Variants in ADGRL3 observed in about 807,000 individuals in gnomAD.
ADGRL3 encodes the protein calcium-independent alpha-latrotoxin receptor 3.
Under a neutral mutation model 153.5 loss-of-function variants are expected in ADGRL3, and 62 were observed. The ratio of observed to expected loss-of-function variants is 0.40; its 90% CI spans 0.33 to 0.50. The LOEUF is 0.50. Ranked by LOEUF, ADGRL3 falls within the 20% of genes least tolerant of loss-of-function variation. The pLI is 0.47. For synonymous variants in ADGRL3, 710 were observed against 672.5 expected (o/e 1.06, Z -0.86); for missense variants, 1,641 against 1,859.4 (o/e 0.88, Z 2.16).
chr4:61,210,877 ATGT>A (rs1288182126), intron 1 of ADGRL3, among the ~76,000 whole-genome samples: 2 of 152,214 alleles, frequency 1.3e-5, no homozygotes, highest in Admixed American at 6.5e-5. Context: ...TGTTCGGTTG[ATGT>A]TGTCTAAGGA....
At chr4:61,547,272 T>A (rs953577235) in intron 4 of ADGRL3, among the ~76,000 whole-genome samples, 24 of 151,938 alleles carry the variant, frequency 1.6e-4, no homozygotes, top group Non-Finnish European at 2.9e-5. Context: ...TGGTTTTTTT[T>A]ACTTTTTTTT....
intron 8 of ADGRL3, among the ~76,000 whole-genome samples, chr4:61,798,650 C>T (rs890637409): frequency 1.3e-5 from 2 of 151,662 alleles, no homozygotes; most frequent in Non-Finnish European, 2.9e-5. Context: ...CAGAGTCTTG[C>T]TCTATCGCTC....
intron 5 of ADGRL3, among the ~76,000 whole-genome samples, chr4:61,598,514 T>C (rs1402347451): frequency 6.6e-6 from 1 of 152,164 alleles, no homozygotes; most frequent in East Asian, 1.9e-4. Context: ...CTTTAATCTG[T>C]TGTACTATAA....
intron 25 of ADGRL3, among the ~76,000 whole-genome samples, chr4:62,062,906 G>T (rs1393046240): frequency 2.0e-5 from 3 of 152,010 alleles, no homozygotes. Context: ...TTACCATGGT[G>T]TACTAATGAG....
intron 8 of ADGRL3, among the ~76,000 whole-genome samples, chr4:61,800,841 T>A (rs1034644516): frequency 3.9e-5 from 6 of 152,194 alleles, no homozygotes; most frequent in African/African-American, 1.4e-4. Flanking sequence ...GTCAGGATGA[T>A]GTGATGACAG....
At chr4:61,833,804 G>A (rs957992461) in intron 9 of ADGRL3, among the ~76,000 whole-genome samples, 2 of 152,190 alleles carry the variant, frequency 1.3e-5, no homozygotes, top group African/African-American at 4.8e-5. Context: ...GATTGTTATT[G>A]TCTTTGTTTT....
At chr4:61,716,224 G>C (rs1274030923) in intron 6 of ADGRL3, among the ~76,000 whole-genome samples, 2 of 151,968 alleles carry the variant, frequency 1.3e-5, no homozygotes, top group African/African-American at 4.8e-5. Flanking sequence ...ACTGGTGTGT[G>C]GCTCTAGAAA....
intron 3 of ADGRL3, among the ~76,000 whole-genome samples, chr4:61,512,846 AT>A (rs1417203611): frequency 6.6e-6 from 1 of 152,102 alleles, no homozygotes; most frequent in Non-Finnish European, 1.5e-5. Context: ...GAGGGTAAGT[AT>A]TCTCTTTCCA....
chr4:61,694,830 G>A (rs2095611069), intron 6 of ADGRL3, among the ~76,000 whole-genome samples: 1 of 152,204 alleles, frequency 6.6e-6, no homozygotes, highest in African/African-American at 2.4e-5. Context: ...TATCAATTAA[G>A]TTTATGTAAT....
At chr4:62,042,764 A>C (rs1729056541) in intron 24 of ADGRL3, among the ~76,000 whole-genome samples, 1 of 152,108 alleles carries the variant, frequency 6.6e-6, no homozygotes. Context: ...ATCTTTAAAA[A>C]TTCTGTAGTA....
intron 1 of ADGRL3, among the ~76,000 whole-genome samples, chr4:61,208,437 A>G (rs917832699): frequency 1.3e-5 from 2 of 152,160 alleles, no homozygotes; most frequent in African/African-American, 4.8e-5. Context: ...GTTTGCTGCT[A>G]TTATGATTAC....
intron 25 of ADGRL3, among the ~76,000 whole-genome samples, chr4:62,052,054 T>G (rs1734500646): frequency 6.6e-6 from 1 of 151,726 alleles, no homozygotes; most frequent in African/African-American, 2.4e-5. Flanking sequence ...CATATTGTAC[T>G]CTGTTCATTA....
intron 4 of ADGRL3, among the ~76,000 whole-genome samples, chr4:61,574,966 T>A (rs2098862767): frequency 6.6e-6 from 1 of 151,818 alleles, no homozygotes; most frequent in South Asian, 2.1e-4. Flanking sequence ...ACAGCTGCTT[T>A]CTCGGGAATA....
rs190944903 is a variant in ADGRL3 at position 61,796,765 on chromosome 4, C to T, written c.1400-17044C>T. On this transcript the variant is annotated intron_variant, in intron 8 of 26. Coordinates refer to ENST00000683033, the MANE Select transcript of ADGRL3 (RefSeq NM_001387552.1). ...TTGTTGATTATTTACCAGATATGAT[C>T]TTGAATTTTTCTTTAGAATTGTTTA... 3.8e-3 allele frequency among the ~76,000 whole-genome samples: 578 copies of T among 151,918 alleles called. 3 individuals are homozygous for T. Among genetic ancestry groups the T allele is most frequent in the Non-Finnish European group, 7.0e-3 (473 of 67,986 alleles).
chr4:61,935,873 A>T, intron 14 of ADGRL3, 50 bp from the exon 15 acceptor site: 1 of 1,517,856 alleles, frequency 6.6e-7, no homozygotes, highest in Non-Finnish European at 8.9e-7. Context: ...AAATTATTGT[A>T]GCTTAGGTAT....
At chr4:61,404,385 T>G (rs770818883) in intron 2 of ADGRL3, among the ~76,000 whole-genome samples, 1 of 152,100 alleles carries the variant, frequency 6.6e-6, no homozygotes, top group Admixed American at 6.6e-5. Context: ...GTTTTCCTGT[T>G]TAGTTACTCT....
chr4:61,969,167 G>C (rs1173531665), intron 17 of ADGRL3, among the ~76,000 whole-genome samples: 1 of 152,050 alleles, frequency 6.6e-6, no homozygotes, highest in Non-Finnish European at 1.5e-5. Context: ...CTTTGAATCA[G>C]AAAAAAGTAA....
intron 8 of ADGRL3, among the ~76,000 whole-genome samples, chr4:61,755,447 C>A (rs7658040): frequency 0.085 from 12,990 of 151,998 alleles, 1,096 homozygotes; most frequent in African/African-American, 0.23. Flanking sequence ...ATATCCTTCG[C>A]CCACTTTTTG....
rs530786808 is a variant in ADGRL3, at chr4:61,601,351, G to T, written c.473+13911G>T. ...CCATTCGACCAGTTTTTGAAACCTA[G>T]AGAACACAATCTTAATTTTAGTAAC... On this transcript the variant is annotated intron_variant, in intron 5 of 26. Transcript: ENST00000683033. Among the ~76,000 whole-genome samples the T allele has an allele frequency of 1.0e-3, 157 of 152,104 alleles. 1 individual carries two copies. The highest frequency in any genetic ancestry group is 3.4e-3 in the African/African-American group (143 of 41,490).
Sources: gnomAD v4.1 joint callset for allele counts (sites outside exome capture counted in the v4.1 genomes callset) on GRCh38, gnomAD v4.1.1 for gene constraint, MANE v1.5 for transcripts, NCBI Gene and HGNC (gene_info 2026-07-23, HGNC 2026-07-21) for gene names.